The following NAALADL2 variants were observed in gnomAD, a reference collection of about 807,000 sequenced individuals.
NAALADL2 encodes the protein inactive N-acetylated-alpha-linked acidic dipeptidase-like protein 2.
Under a neutral mutation model 87.2 loss-of-function variants are expected in NAALADL2, and 76 were observed. That is an observed-to-expected ratio of 0.87 (90% CI 0.72 to 1.05). The LOEUF is 1.05. NAALADL2 is among the 50% of genes least tolerant of loss of function. The probability of loss-of-function intolerance (pLI) is 0.00; values close to 1 mark genes in which losing one functional copy is unlikely to be tolerated. For missense variants in NAALADL2, 1,089 were observed against 945.8 expected (o/e 1.15, Z -1.99); for synonymous variants, 354 against 331.0 (o/e 1.07, Z -0.75).
intron 3 of NAALADL2, among the ~76,000 whole-genome samples, chr3:174,825,255 G>C (rs1721853746): frequency 6.6e-6 from 1 of 152,210 alleles, no homozygotes; most frequent in South Asian, 2.1e-4. Context: ...GCATCTTAAG[G>C]CCTGAGGGCC....
rs1207955324 is a variant in NAALADL2, at chr3:175,698,323, T to A, written c.1897-38983T>A. ...TATATGTGTATATATGTATGTGTAT[T>A]TATGTATGTGTATATATGTATGTGT... On this transcript the variant is annotated intron_variant, in intron 11 of 13. Coordinates refer to ENST00000454872, the MANE Select transcript of NAALADL2 (RefSeq NM_207015.3). Among the ~76,000 whole-genome samples, 75 of 64,436 alleles carry A rather than the reference T, an allele frequency of 1.2e-3. 5 individuals carry two copies. The highest frequency in any genetic ancestry group is 1.6e-3 in the Admixed American group (10 of 6,372). The allele number at this position is 64,436 out of a possible 152,430, so 42.3% of individuals were successfully genotyped here.
chr3:175,583,290 A>G (rs1227428205), intron 10 of NAALADL2, among the ~76,000 whole-genome samples: 4 of 152,216 alleles, frequency 2.6e-5, no homozygotes, highest in African/African-American at 9.6e-5. Context: ...CTGAATGTTT[A>G]TCACTTTCAC....
intron 3 of NAALADL2, among the ~76,000 whole-genome samples, chr3:174,818,482 C>T (rs1162426835): frequency 6.6e-6 from 1 of 152,168 alleles, no homozygotes; most frequent in East Asian, 1.9e-4. Context: ...GTAAGTATTA[C>T]ATTGTATTTG....
intron 9 of NAALADL2, among the ~76,000 whole-genome samples, chr3:175,519,728 T>A (rs946652134): frequency 2.0e-5 from 3 of 152,182 alleles, no homozygotes; most frequent in Admixed American, 2.0e-4. Context: ...GGTGTATCAC[T>A]AGAATGCTAT....
chr3:174,845,651 G>T (rs936445610), intron 3 of NAALADL2, among the ~76,000 whole-genome samples: 10 of 152,190 alleles, frequency 6.6e-5, no homozygotes, highest in African/African-American at 2.4e-4. Context: ...ATTTTGATGG[G>T]GCAAGGCCTC....
chr3:175,736,664 CTG>C (rs1744544151), intron 11 of NAALADL2, among the ~76,000 whole-genome samples: 1 of 152,218 alleles, frequency 6.6e-6, no homozygotes, highest in South Asian at 2.1e-4. Flanking sequence ...CTTCCTGATT[CTG>C]AAACAAATCA....
chr3:174,574,891 G>A (rs1272858639), intron 2 of NAALADL2, among the ~76,000 whole-genome samples: 1 of 151,912 alleles, frequency 6.6e-6, no homozygotes, highest in African/African-American at 2.4e-5. Flanking sequence ...ATTTATAAAA[G>A]CAAAACGAGT....
At chr3:174,872,814 A>G (rs964051843) in intron 1 of NAALADL2, among the ~76,000 whole-genome samples, 4 of 152,086 alleles carry the variant, frequency 2.6e-5, no homozygotes, top group African/African-American at 9.7e-5. Context: ...TTGAATTTTC[A>G]GTACCTAATT....
intron 1 of NAALADL2, among the ~76,000 whole-genome samples, chr3:174,912,118 A>G (rs902480299): frequency 3.3e-5 from 5 of 152,006 alleles, no homozygotes; most frequent in Non-Finnish European, 7.4e-5. Flanking sequence ...ATTTCTTTAT[A>G]CCTATATTTG....
intron 11 of NAALADL2, among the ~76,000 whole-genome samples, chr3:175,677,005 A>G (rs1229962467): frequency 1.3e-5 from 2 of 152,194 alleles, no homozygotes; most frequent in African/African-American, 4.8e-5. Flanking sequence ...TCTTTAAAAA[A>G]GAGTTTATAT....
At chr3:174,476,035 T>C (rs1458599151) in intron 1 of NAALADL2, among the ~76,000 whole-genome samples, 3 of 152,060 alleles carry the variant, frequency 2.0e-5, no homozygotes, top group Non-Finnish European at 2.9e-5. Flanking sequence ...TAATGCATTT[T>C]ATTCAAACTT....
At chr3:174,810,274 A>G (rs1392463398) in intron 3 of NAALADL2, among the ~76,000 whole-genome samples, 1 of 152,156 alleles carries the variant, frequency 6.6e-6, no homozygotes, top group Non-Finnish European at 1.5e-5. Context: ...TGGAGGTCTC[A>G]GAAGACAAGA....
At chr3:175,125,229 T>C (rs949683130) in intron 2 of NAALADL2, among the ~76,000 whole-genome samples, 58 of 152,024 alleles carry the variant, frequency 3.8e-4, no homozygotes, top group Non-Finnish European at 1.5e-5. Context: ...AACTACCTGG[T>C]AGCTGGTGGT....
chr3:174,874,978 G>T (rs1728305935), intron 1 of NAALADL2, among the ~76,000 whole-genome samples: 1 of 151,726 alleles, frequency 6.6e-6, no homozygotes, highest in South Asian at 2.1e-4. Context: ...GCTGGACGTG[G>T]TGGCATGCAC....
intron 2 of NAALADL2, among the ~76,000 whole-genome samples, chr3:174,596,037 C>CA (rs552094257): frequency 6.6e-6 from 1 of 151,108 alleles, no homozygotes; most frequent in Non-Finnish European, 1.5e-5. Context: ...AACAAACAAA[C>CA]AAAAATAACA....
intron 3 of NAALADL2, among the ~76,000 whole-genome samples, chr3:174,853,389 A>G (rs2109488901): frequency 6.6e-6 from 1 of 150,810 alleles, no homozygotes; most frequent in East Asian, 1.9e-4. Flanking sequence ...AAAAAAAAAA[A>G]AAAAAAATAG....
intron 5 of NAALADL2, among the ~76,000 whole-genome samples, chr3:175,331,661 T>C (rs1761413047): frequency 6.6e-6 from 1 of 152,144 alleles, no homozygotes; most frequent in African/African-American, 2.4e-5. Flanking sequence ...CCATACTAAA[T>C]GGGGAAAAGC....
intron 4 of NAALADL2, among the ~76,000 whole-genome samples, chr3:175,287,151 T>C (rs903474927): frequency 6.6e-6 from 1 of 152,186 alleles, no homozygotes; most frequent in African/African-American, 2.4e-5. Flanking sequence ...AGTATCCTTA[T>C]GTTTCTTCAT....
At chr3:174,652,098 A>G (rs1321994518) in intron 2 of NAALADL2, among the ~76,000 whole-genome samples, 1 of 152,170 alleles carries the variant, frequency 6.6e-6, no homozygotes, top group East Asian at 1.9e-4. Context: ...AAACCTACCC[A>G]TCAAAGAGTC....
Sources: allele counts gnomAD v4.1 joint callset (sites outside exome capture counted in the v4.1 genomes callset), GRCh38; gene constraint gnomAD v4.1.1; transcripts MANE v1.5; gene names NCBI Gene and HGNC (gene_info 2026-07-23, HGNC 2026-07-21).